GASK1B: variants seen among roughly 807,000 people sequenced by gnomAD.
The protein encoded by GASK1B is Golgi-associated kinase 1B.
Under a neutral mutation model 42.8 loss-of-function variants are expected in GASK1B, and 34 were observed. The ratio of observed to expected loss-of-function variants is 0.79; its 90% CI spans 0.60 to 1.06. GASK1B has a LOEUF of 1.06. GASK1B is among the 50% of genes least tolerant of loss of function. The pLI is 0.00. For synonymous variants in GASK1B, 262 were observed against 259.1 expected, an observed-to-expected ratio of 1.01 and a Z score of -0.11; for missense variants, 686 against 661.0, an observed-to-expected ratio of 1.04 and a Z score of -0.42.
At position 158,126,751 on chromosome 4, in the gene GASK1B, G is replaced by A. The variant is rs1730467809; in HGVS notation, c.*656C>T. ...GTCAGATGTGAATGATTTCCATAGG[G>A]ACAACAAAATAAATTTCTAAAAAGG... On this transcript the variant is annotated 3_prime_UTR_variant, in exon 5 of 5. Transcript: ENST00000585682. 6.6e-6 allele frequency: 1 copy of A among 151,974 alleles called. No homozygotes were observed. Among genetic ancestry groups the A allele is most frequent in the Non-Finnish European group, 1.5e-5 (1 of 67,992 alleles). The allele number at this position is 151,974 out of a possible 1,614,324, so 9.4% of individuals were successfully genotyped here.
chr4:158,153,440 T>C (rs1393218103), intron 3 of GASK1B, among the ~76,000 whole-genome samples: 4 of 152,140 alleles, frequency 2.6e-5, no homozygotes, highest in African/African-American at 9.7e-5. Context: ...AAAAGCAATC[T>C]ACAAATTCAA....
intron 2 of GASK1B, among the ~76,000 whole-genome samples, chr4:158,164,944 A>T (rs1191029908): frequency 6.6e-6 from 1 of 152,204 alleles, no homozygotes; most frequent in Non-Finnish European, 1.5e-5. Context: ...GAAAACAGTG[A>T]GCAACTTGGG....
chr4:158,139,970 A>G lies in GASK1B; in HGVS notation c.1126-8958T>C, dbSNP rs143692133. ...TTACAGGTAGAGATTTTTAAAAATT[A>G]ATAGATTTTCATTGCTTCAAGAAAA... On this transcript the variant is annotated intron_variant, in intron 3 of 4. Coordinates refer to ENST00000585682, the MANE Select transcript of GASK1B (RefSeq NM_001128424.2). Among the ~76,000 whole-genome samples the G allele has an allele frequency of 5.4e-3, 827 of 152,316 alleles. 7 individuals are homozygous for G. Among genetic ancestry groups the G allele is most frequent in the Non-Finnish European group, 6.9e-3 (469 of 68,026 alleles).
chr4:158,171,371 G>A lies in GASK1B; in HGVS notation c.5C>T (p.Thr2Ile), dbSNP rs74802242. The A allele has an allele frequency of 1.2e-4, 190 of 1,563,146 alleles. No homozygotes were observed. In the African/African-American group the frequency reaches 2.3e-3, roughly 19 times the overall value. Residue 2 changes from threonine to isoleucine, a missense_variant, in exon 2 of 5, where the codon ACC (threonine) becomes ATC (isoleucine). Transcript: ENST00000585682. ...GAGCTGCCCCGGCTTGTCTGGACAG[G>A]TCATTTCTCTGCCGCATCCACATGT... MTCPDKPGQLIN... is the reference protein window; with the variant it reads MICPDKPGQLIN...
rs781338886 is a variant in GASK1B at position 158,171,305 on chromosome 4, C to G, written c.71G>C (p.Arg24Pro). Residue 24 changes from arginine (R) to proline (P), a missense_variant, in exon 2 of 5, where the codon CGT becomes CCT. Physicochemically the swap from Arg to Pro is moderately radical, Grantham distance 103 (BLOSUM62 -2). Coordinates refer to ENST00000585682, the MANE Select transcript of GASK1B (RefSeq NM_001128424.2). ...TGGACGCCGGCTGCTCCAGAGCTTA[C>G]GCACCCGCGGGACGCACAGGGAGCA... ...FICSLCVPRV[R>P]KLWSSRRPRT... The G allele has an allele frequency of 3.1e-6, 5 of 1,612,864 alleles. No homozygotes were observed. In the South Asian group the frequency reaches 5.5e-5, roughly 18 times the overall value.
intron 2 of GASK1B, among the ~76,000 whole-genome samples, chr4:158,164,128 G>A (rs887999378): frequency 3.2e-4 from 48 of 152,246 alleles, no homozygotes; most frequent in African/African-American, 1.1e-3. Context: ...CTCACACATG[G>A]CCCTCTAGTG....
At chr4:158,170,167 T>C in intron 2 of GASK1B, 1 of 1,505,234 alleles carries the variant, frequency 6.6e-7, no homozygotes, top group Non-Finnish European at 9.0e-7. Flanking sequence ...AAATTGCCGT[T>C]GGCTTTAATT....
chr4:158,158,731 T>C (rs1021518640), intron 2 of GASK1B, among the ~76,000 whole-genome samples: 1 of 152,096 alleles, frequency 6.6e-6, no homozygotes, highest in African/African-American at 2.4e-5. Flanking sequence ...AAAGCAGTCA[T>C]GGACAATATA....
intron 3 of GASK1B, among the ~76,000 whole-genome samples, chr4:158,155,089 C>T (rs2110990671): frequency 6.6e-6 from 1 of 152,200 alleles, no homozygotes; most frequent in East Asian, 1.9e-4. Context: ...TTGGGCATGC[C>T]TCCTTATACA....
At chr4:158,170,159 A>G in intron 2 of GASK1B, 1 of 1,446,904 alleles carries the variant, frequency 6.9e-7, no homozygotes, top group Non-Finnish European at 9.5e-7. Flanking sequence ...CATCATGCAA[A>G]TTGCCGTTGG....
intron 2 of GASK1B, among the ~76,000 whole-genome samples, chr4:158,157,385 T>C (rs1731797808): frequency 6.6e-6 from 1 of 152,132 alleles, no homozygotes; most frequent in South Asian, 2.1e-4. Context: ...TGGGGCCTAA[T>C]TATCTTCTTA....
rs1560797068 is a variant in GASK1B, at chr4:158,170,874, G to GA, written c.501dup (p.Gln168SerfsTer7). 6.2e-7 allele frequency: 1 copy of GA among 1,614,226 alleles called. No homozygotes were observed. Among genetic ancestry groups the GA allele is most frequent in the Non-Finnish European group, 8.5e-7 (1 of 1,180,042 alleles). On this transcript the variant is annotated frameshift_variant, in exon 2 of 5. Transcript: ENST00000585682. LOFTEE classifies it high-confidence loss of function. ...CCAATCTTAACCAGGTTTGCTCCCT[G>GA]AGCGTACCCAGGTGCTACAGCATCA...
chr4:158,129,950 C>A (rs1484705434), intron 4 of GASK1B, among the ~76,000 whole-genome samples: 1 of 152,238 alleles, frequency 6.6e-6, no homozygotes, highest in East Asian at 1.9e-4. Context: ...TGGGTTCTTG[C>A]CATTACTAAA....
Position 158,130,654 on chromosome 4 carries a change from C to T in GASK1B, c.1352+132G>A, listed in dbSNP as rs559150098. ...GGGTTTGTTTCCTTTCTTGGGTCTC[C>T]ATTCCCAGATTCCACATTCACAATT... On this transcript the variant is annotated intron_variant, in intron 4 of 4. Coordinates refer to ENST00000585682, the MANE Select transcript of GASK1B (RefSeq NM_001128424.2). 1.4e-4 allele frequency: 108 copies of T among 753,644 alleles called. 1 individual carries two copies. Among genetic ancestry groups the T allele is most frequent in the East Asian group, 1.3e-3 (47 of 37,092 alleles). The allele number at this position is 753,644 out of a possible 1,614,324, so 46.7% of individuals were successfully genotyped here. A position where few individuals can be genotyped will look rare whatever the true frequency, so the allele number is the denominator to read the frequency against.
Position 158,171,121 on chromosome 4 carries a change from G to C in GASK1B, c.255C>G (p.Pro85=), listed in dbSNP as rs1473655710. 1.5e-5 allele frequency: 24 copies of C among 1,609,118 alleles called. No individual in the cohort carries two copies. Among genetic ancestry groups the C allele is most frequent in the Non-Finnish European group, 2.0e-5 (24 of 1,176,330 alleles). ...CTGGAGGGGCCAGGGTACCATCCAG[G>C]GGTATCTCAGGGAAGGATGGCTCGG... ...DTAEPSFPEI[P]LDGTLAPPES... is the part of the protein sequence containing the mutation. Residue 85 remains proline, a synonymous_variant, in exon 2 of 5, where the codon CCC becomes CCG. Coordinates refer to ENST00000585682, the MANE Select transcript of GASK1B (RefSeq NM_001128424.2).
chr4:158,130,511 ATGGATT>A (rs1730633305), intron 4 of GASK1B, among the ~76,000 whole-genome samples: 1 of 152,120 alleles, frequency 6.6e-6, no homozygotes, highest in Admixed American at 6.6e-5. Flanking sequence ...CAAAACCCAC[ATGGATT>A]TTCACAATGA....
rs187518490 is a variant in GASK1B, at chr4:158,134,594, C to T, written c.1126-3582G>A. ...CCATTTTCCATAAAATGAGTCTTTCCTTTCTTAGGAAAATACATTTTTTCA... is the reference window on the plus strand; with the variant it reads ...CCATTTTCCATAAAATGAGTCTTTCTTTTCTTAGGAAAATACATTTTTTCA... On this transcript the variant is annotated intron_variant, in intron 3 of 4. Coordinates refer to ENST00000585682, the MANE Select transcript of GASK1B (RefSeq NM_001128424.2). Among the ~76,000 whole-genome samples the T allele has an allele frequency of 1.9e-4, 29 of 152,230 alleles. No individual in the cohort carries two copies. In the East Asian group the frequency reaches 5.0e-3, roughly 26 times the overall value.
In GASK1B at chr4:158,129,305, G is replaced by T. The variant is rs902175570; in HGVS notation, c.1352+1481C>A. 3.3e-5 allele frequency among the ~76,000 whole-genome samples: 5 copies of T among 152,284 alleles called. No homozygotes were observed. In the South Asian group the frequency reaches 1.0e-3, roughly 32 times the overall value. On this transcript the variant is annotated intron_variant, in intron 4 of 4. Coordinates refer to ENST00000585682, the MANE Select transcript of GASK1B (RefSeq NM_001128424.2). ...AAGAGGGAATTTAGGGATTCAAGAA[G>T]ACCCTGCGATATCACCTTAGTAAGT...
In GASK1B at chr4:158,171,107, A is replaced by G. The variant is rs1732505368; in HGVS notation, c.269T>C (p.Leu90Pro). ...SFPEIPLDGT[L>P]APPESQGNGS... Reference sequence around the variant, plus strand: ...ATTGCCCTGGGACTCTGGAGGGGCCAGGGTACCATCCAGGGGTATCTCAGG... The same window carrying G: ...ATTGCCCTGGGACTCTGGAGGGGCCGGGGTACCATCCAGGGGTATCTCAGG... Residue 90 changes from leucine (L) to proline (P), a missense_variant, in exon 2 of 5, where the codon CTG becomes CCG. By Grantham distance (98) the Leu-to-Pro change is moderately conservative. Transcript: ENST00000585682. 5 of 1,609,574 alleles carry G rather than the reference A, an allele frequency of 3.1e-6. No individual in the cohort carries two copies. The highest frequency in any genetic ancestry group is 1.3e-5 in the African/African-American group (1 of 74,858).
Sources: gnomAD v4.1 joint callset for allele counts (sites outside exome capture counted in the v4.1 genomes callset) on GRCh38, gnomAD v4.1.1 for gene constraint, MANE v1.5 for transcripts, NCBI Gene and HGNC (gene_info 2026-07-23, HGNC 2026-07-21) for gene names.